PIK3C2G: variants seen among roughly 807,000 people sequenced by gnomAD.
PIK3C2G encodes phosphatidylinositol-4-phosphate 3-kinase catalytic subunit type 2 gamma.
Under a neutral mutation model 181.1 loss-of-function variants are expected in PIK3C2G, and 168 were observed. The observed-to-expected ratio is 0.93, with a 90% CI of 0.82 to 1.05. The LOEUF (loss-of-function observed/expected upper bound fraction) is 1.05. PIK3C2G is among the 50% of genes least tolerant of loss of function. The pLI is 0.00. For missense variants in PIK3C2G, 1,869 were observed against 1,732.8 expected (o/e 1.08, Z -1.40); for synonymous variants, 573 against 592.2 (o/e 0.97, Z 0.47).
intron 18 of PIK3C2G, among the ~76,000 whole-genome samples, chr12:18,472,316 A>AT (rs1215971269): frequency 6.6e-6 from 1 of 152,160 alleles, no homozygotes; most frequent in Non-Finnish European, 1.5e-5. Flanking sequence ...TTTTATTAGT[A>AT]TTTTTTGGAC....
intron 31 of PIK3C2G, among the ~76,000 whole-genome samples, chr12:18,627,519 T>C (rs1219330485): frequency 6.6e-6 from 1 of 152,110 alleles, no homozygotes; most frequent in African/African-American, 2.4e-5. Context: ...CAAGTGTTCT[T>C]TGACAGAGAT....
chr12:18,656,246 T>C, the PIK3C2G span, among the ~76,000 whole-genome samples: 1 of 151,972 alleles, frequency 6.6e-6, no homozygotes, highest in East Asian at 1.9e-4. Flanking sequence ...CTGGGCAACA[T>C]AGCAAGACCC....
At chr12:18,642,096 C>T (rs1949871804) in intron 32 of PIK3C2G, among the ~76,000 whole-genome samples, 3 of 152,152 alleles carry the variant, frequency 2.0e-5, no homozygotes, top group Admixed American at 2.0e-4. Context: ...CTGAATGTCT[C>T]ATAGGCACTT....
At chr12:18,374,354 TGTCAA>T (rs1267108459) in intron 13 of PIK3C2G, among the ~76,000 whole-genome samples, 2 of 152,188 alleles carry the variant, frequency 1.3e-5, no homozygotes, top group East Asian at 1.9e-4. Context: ...GACTCCACTG[TGTCAA>T]GTCATTTCAG....
intron 11 of PIK3C2G, among the ~76,000 whole-genome samples, chr12:18,352,761 C>T (rs1332621525): frequency 6.6e-6 from 1 of 152,124 alleles, no homozygotes; most frequent in Non-Finnish European, 1.5e-5. Flanking sequence ...AGGTAGTCTT[C>T]TTCTGGAGTT....
intron 18 of PIK3C2G, among the ~76,000 whole-genome samples, chr12:18,478,182 G>A (rs578119270): frequency 1.3e-5 from 2 of 152,266 alleles, no homozygotes; most frequent in South Asian, 4.1e-4. Context: ...TTTTCAAAGA[G>A]TAAGGGAAAC....
chr12:18,633,245 TAAC>T (rs1405248522), intron 31 of PIK3C2G, among the ~76,000 whole-genome samples: 4 of 152,094 alleles, frequency 2.6e-5, no homozygotes, highest in Admixed American at 6.5e-5. Flanking sequence ...TATGATGTAA[TAAC>T]AAATAACGTA....
intron 31 of PIK3C2G, among the ~76,000 whole-genome samples, chr12:18,611,717 G>A (rs1207066682): frequency 2.6e-5 from 4 of 151,962 alleles, no homozygotes; most frequent in Non-Finnish European, 5.9e-5. Context: ...AAAACCTAGA[G>A]TCATTTTGAC....
At chr12:18,286,631 G>A (rs888320131) in intron 2 of PIK3C2G, among the ~76,000 whole-genome samples, 3 of 151,924 alleles carry the variant, frequency 2.0e-5, no homozygotes, top group African/African-American at 7.2e-5. Flanking sequence ...TGTCATTGGG[G>A]TACTGATAGT....
intron 3 of PIK3C2G, among the ~76,000 whole-genome samples, chr12:18,289,636 A>G (rs1247778362): frequency 6.6e-6 from 1 of 152,060 alleles, no homozygotes. Flanking sequence ...AGTTTGGGGA[A>G]CCCTCCACAG....
rs1328574062 is a variant in PIK3C2G at position 18,594,556 on chromosome 12, A to C, written c.4074A>C (p.Ser1358=). The change falls in exon 30 of 33, where the codon TCA becomes TCC. Residue 1358 remains serine (S), a synonymous_variant. Transcript: ENST00000538779. ...TGCAACAAACAGTTGAAGAATCATCACCTGTGTACCTAGGTAAGTAAATTT... is the reference window on the plus strand; with the variant it reads ...TGCAACAAACAGTTGAAGAATCATCCCCTGTGTACCTAGGTAAGTAAATTT... ...EAVQQTVEES[S]PVYLGEKFPD... is the part of the protein sequence containing the mutation. The C allele has an allele frequency of 3.9e-6, 6 of 1,531,150 alleles. No individual in the cohort carries two copies. The highest frequency in any genetic ancestry group is 5.3e-6 in the Non-Finnish European group (6 of 1,138,634). 94.8% of individuals were successfully genotyped at this position (1,531,150 alleles called of 1,614,324 possible).
At chr12:18,654,735 T>C in the PIK3C2G span, among the ~76,000 whole-genome samples, 1 of 152,182 alleles carries the variant, frequency 6.6e-6, no homozygotes, top group East Asian at 1.9e-4. Flanking sequence ...GATTATCTTT[T>C]ACATGGGACT....
At chr12:18,549,970 C>G (rs1263023623) in intron 26 of PIK3C2G, among the ~76,000 whole-genome samples, 1 of 151,980 alleles carries the variant, frequency 6.6e-6, no homozygotes, top group East Asian at 1.9e-4. Flanking sequence ...ATGAGGCTCA[C>G]TATCCCCTAA....
the PIK3C2G span, among the ~76,000 whole-genome samples, chr12:18,690,246 G>A: frequency 2.2e-4 from 34 of 152,102 alleles, no homozygotes; most frequent in Non-Finnish European, 4.4e-4. Flanking sequence ...TCTTTGAGAC[G>A]AACTTTGGCT....
In PIK3C2G at chr12:18,546,375, T is replaced by A. The variant is rs750370294; in HGVS notation, c.3533T>A (p.Val1178Glu). The change falls in exon 26 of 33, where the codon GTG becomes GAG. Residue 1178 changes from valine (V) to glutamate (E), a missense_variant. Physicochemically the swap from Val to Glu is moderately radical, Grantham distance 121. Transcript: ENST00000538779. The stretch of plus-strand genomic sequence containing the variant: ...AGTGGAATTCAAGACCTGAAATATG[T>A]GTATAATAATCTTCGTCCACAAGAC... ...ELSGIQDLKYVYNNLRPQDTD... is the reference protein window; with the variant it reads ...ELSGIQDLKYEYNNLRPQDTD... The A allele has an allele frequency of 3.7e-6, 6 of 1,602,076 alleles. No homozygotes were observed. In the Admixed American group the frequency reaches 1.0e-4, roughly 27 times the overall value.
At chr12:18,589,978 C>A (rs1241187700) in intron 29 of PIK3C2G, among the ~76,000 whole-genome samples, 1 of 151,888 alleles carries the variant, frequency 6.6e-6, no homozygotes, top group Non-Finnish European at 1.5e-5. Context: ...CTTCTATAGT[C>A]CATTTTCAGT....
chr12:18,369,048 A>C (rs189628021), intron 12 of PIK3C2G, among the ~76,000 whole-genome samples: 1 of 152,304 alleles, frequency 6.6e-6, no homozygotes, highest in East Asian at 1.9e-4. Context: ...TGTCATCTTC[A>C]GTACTCTAAT....
downstream of PIK3C2G, among the ~76,000 whole-genome samples, chr12:18,650,345 ATATGTGTGTG>A (rs1950384310): frequency 7.8e-6 from 1 of 127,704 alleles, no homozygotes; most frequent in African/African-American, 3.6e-5. Context: ...ATATATATAT[ATATGTGTGTG>A]TGTGTGTGTG....
chr12:18,545,019 A>C (rs1329179658), intron 25 of PIK3C2G, among the ~76,000 whole-genome samples: 1 of 151,874 alleles, frequency 6.6e-6, no homozygotes, highest in Non-Finnish European at 1.5e-5. Flanking sequence ...ATGATCTTTC[A>C]AGACACAATT....
Sources: gnomAD v4.1 joint callset for allele counts (sites outside exome capture counted in the v4.1 genomes callset) on GRCh38, gnomAD v4.1.1 for gene constraint, MANE v1.5 for transcripts, NCBI Gene and HGNC (gene_info 2026-07-23, HGNC 2026-07-21) for gene names.